The following TMX3 variants were observed in gnomAD, a reference collection of about 807,000 sequenced individuals.
TMX3 encodes protein disulfide-isomerase TMX3.
In TMX3, 40 loss-of-function variants were observed where a neutral mutation model predicts 64.4. That is an observed-to-expected ratio of 0.62 (90% CI 0.48 to 0.81). The LOEUF (loss-of-function observed/expected upper bound fraction) is 0.81. TMX3 is among the 30% of genes least tolerant of loss of function. The pLI is 0.00. For synonymous variants in TMX3, 189 were observed against 175.7 expected (o/e 1.08, Z -0.60); for missense variants, 497 against 534.5 (o/e 0.93, Z 0.69).
At chr18:68,690,926 G>A (rs748587429) in intron 9 of TMX3, 3 of 199,962 alleles carry the variant, frequency 1.5e-5, no homozygotes, top group Non-Finnish European at 3.0e-5. Flanking sequence ...ATACACAGGG[G>A]CTTCAACACT....
At chr18:68,696,998 T>C (rs1874899411) in intron 8 of TMX3, 1 of 352,638 alleles carries the variant, frequency 2.8e-6, no homozygotes, top group Non-Finnish European at 5.2e-6. Flanking sequence ...GAAGCACTAA[T>C]GTAAATCCCT....
At chr18:68,682,656 G>A (rs374082329) in intron 13 of TMX3, among the ~76,000 whole-genome samples, 174 of 151,316 alleles carry the variant, frequency 1.1e-3, no homozygotes, top group African/African-American at 4.1e-3. Flanking sequence ...AAATTTACAC[G>A]TTTTGGAATA....
chr18:68,691,144 GA>G (rs1177733122), intron 9 of TMX3, 150 bp downstream of exon 9: 10 of 443,756 alleles, frequency 2.3e-5, no homozygotes, highest in African/African-American at 4.1e-5. Flanking sequence ...GTTGAAGGGT[GA>G]AAAAAAACCC....
chr18:68,683,081 T>C, intron 12 of TMX3, 100 bp from the exon 13 acceptor site: 1 of 1,143,510 alleles, frequency 8.7e-7, no homozygotes, highest in Non-Finnish European at 1.3e-6. Context: ...AATAAAACAA[T>C]GAAGTTAAAT....
chr18:68,711,333 G>T, intron 3 of TMX3, 31 bp downstream of exon 3: 1 of 1,537,094 alleles, frequency 6.5e-7, no homozygotes, highest in East Asian at 2.3e-5. Flanking sequence ...GGTAGGGGTG[G>T]GTAATTAGCA....
At position 68,681,001 on chromosome 18, in the gene TMX3, T is replaced by C; in HGVS notation, c.1015A>G (p.Ile339Val). The C allele has an allele frequency of 3.1e-6, 5 of 1,595,006 alleles. No individual in the cohort carries two copies. Among genetic ancestry groups the C allele is most frequent in the African/African-American group, 1.3e-5 (1 of 74,284 alleles). Residue 339 changes from isoleucine (I) to valine (V), a missense_variant, in exon 14 of 16, where the codon ATT (isoleucine) becomes GTT (valine). By Grantham distance (29) the Ile-to-Val change is conservative (BLOSUM62 3). Transcript: ENST00000299608. Reference protein sequence around the residue: ...VEDMVQFINNILDGTVEAQGG... With the variant: ...VEDMVQFINNVLDGTVEAQGG... ...CTTACTTCTACTGTGCCATCCAAAATGTTATTAATAAACTGGACCATGTCT... is the reference window on the plus strand; with the variant it reads ...CTTACTTCTACTGTGCCATCCAAAACGTTATTAATAAACTGGACCATGTCT...
At chr18:68,703,209 G>C (rs908585382) in intron 4 of TMX3, among the ~76,000 whole-genome samples, 2 of 152,108 alleles carry the variant, frequency 1.3e-5, no homozygotes, top group South Asian at 2.1e-4. Context: ...TCCAAATTAA[G>C]AAGACAGGGA....
intron 10 of TMX3, among the ~76,000 whole-genome samples, chr18:68,686,255 AG>A (rs1913944049): frequency 6.6e-6 from 1 of 152,236 alleles, no homozygotes; most frequent in South Asian, 2.1e-4. Flanking sequence ...ACACTGCCAC[AG>A]CACACTTCTG....
intron 13 of TMX3, chr18:68,681,335 TTAAG>T (rs1250081660): frequency 1.6e-6 from 1 of 611,472 alleles, no homozygotes; most frequent in Non-Finnish European, 2.2e-6. Context: ...CAATTCATCT[TTAAG>T]TCTTTTCAAA....
At chr18:68,697,437 G>A (rs1472615525) in intron 7 of TMX3, 134 bp from the exon 8 acceptor site, 5 of 446,998 alleles carry the variant, frequency 1.1e-5, no homozygotes, top group Non-Finnish European at 1.6e-5. Flanking sequence ...CCTCTTAGGT[G>A]AAGAGAAGAA....
chr18:68,703,920 ACT>A (rs1364307582), intron 4 of TMX3, among the ~76,000 whole-genome samples: 1 of 152,032 alleles, frequency 6.6e-6, no homozygotes, highest in Non-Finnish European at 1.5e-5. Context: ...ACAGAGTGAG[ACT>A]CTGTCTCAAA....
intron 2 of TMX3, among the ~76,000 whole-genome samples, chr18:68,712,202 CAG>C (rs2031351374): frequency 6.6e-6 from 1 of 152,088 alleles, no homozygotes; most frequent in Non-Finnish European, 1.5e-5. Context: ...AAGCGAAACC[CAG>C]AGACATGTCA....
chr18:68,687,090 A>AT, intron 10 of TMX3: 1 of 982,554 alleles, frequency 1.0e-6, no homozygotes, highest in Non-Finnish European at 1.2e-6. Flanking sequence ...CCAATAACCA[A>AT]TATTTCTCAT....
chr18:68,712,467 G>C (rs1458793647), intron 2 of TMX3, among the ~76,000 whole-genome samples: 3 of 152,112 alleles, frequency 2.0e-5, no homozygotes, highest in African/African-American at 4.8e-5. Context: ...TGTGGATCCC[G>C]GAGGCAACTG....
At chr18:68,713,658 T>C (rs1220726680) in intron 2 of TMX3, among the ~76,000 whole-genome samples, 188 bp downstream of exon 2, 1 of 152,146 alleles carries the variant, frequency 6.6e-6, no homozygotes, top group Non-Finnish European at 1.5e-5. Context: ...TTTGCCACAG[T>C]TTTTTGATCT....
At chr18:68,681,477 T>C (rs1003206664) in intron 13 of TMX3, 1 of 983,942 alleles carries the variant, frequency 1.0e-6, no homozygotes, top group Non-Finnish European at 1.2e-6. Flanking sequence ...AGATACTTTT[T>C]TTCTCTTGAT....
chr18:68,701,478 A>G (rs1168101548), intron 5 of TMX3: 1 of 514,702 alleles, frequency 1.9e-6, no homozygotes, highest in Non-Finnish European at 3.2e-6. Context: ...AAGACCTTTC[A>G]TAATTTATGA....
At chr18:68,708,261 T>C (rs1373948048) in intron 4 of TMX3, among the ~76,000 whole-genome samples, 1 of 152,104 alleles carries the variant, frequency 6.6e-6, no homozygotes, top group Non-Finnish European at 1.5e-5. Context: ...ATTTCAACGT[T>C]TCATTTGGGT....
chr18:68,684,277 C>T (rs1338112402), intron 11 of TMX3, 34 bp from the exon 12 acceptor site: 1 of 1,573,418 alleles, frequency 6.4e-7, no homozygotes, highest in East Asian at 2.2e-5. Context: ...TAGTTCATCT[C>T]TGCACTTGAA....
Sources: allele counts gnomAD v4.1 joint callset (sites outside exome capture counted in the v4.1 genomes callset), GRCh38; gene constraint gnomAD v4.1.1; transcripts MANE v1.5; gene names NCBI Gene and HGNC (gene_info 2026-07-23, HGNC 2026-07-21).